Variants in WDPCP observed in about 807,000 individuals in gnomAD.
WDPCP encodes WD repeat containing planar cell polarity effector.
WDPCP carries 71 observed loss-of-function variants against 93.1 expected under a neutral mutation model. The observed-to-expected ratio is 0.76, with a 90% CI of 0.63 to 0.93. WDPCP has a LOEUF of 0.93. Among genes scored for constraint, WDPCP ranks in the 40% least tolerant of loss-of-function variants. The pLI is 0.00. For missense variants in WDPCP, 844 were observed against 887.4 expected (o/e 0.95, Z 0.62); for synonymous variants, 315 against 315.0 (o/e 1.00, Z 0.00).
chr2:63,811,283 T>C (rs980773586), intron 2 of WDPCP, among the ~76,000 whole-genome samples: 7 of 152,176 alleles, frequency 4.6e-5, no homozygotes, highest in Non-Finnish European at 8.8e-5. Context: ...ACTAATAAAA[T>C]ACGGCAAAGG....
intron 2 of WDPCP, among the ~76,000 whole-genome samples, chr2:63,747,792 C>T (rs1474058132): frequency 1.3e-5 from 2 of 151,920 alleles, no homozygotes; most frequent in African/African-American, 4.8e-5. Context: ...ATATGATGGT[C>T]ATGTTTGACT....
intron 1 of WDPCP, among the ~76,000 whole-genome samples, chr2:63,497,618 A>G (rs1000975299): frequency 1.3e-5 from 2 of 152,210 alleles, no homozygotes; most frequent in African/African-American, 4.8e-5. Flanking sequence ...GACCAAATCA[A>G]CATCCTTTTT....
intron 2 of WDPCP, among the ~76,000 whole-genome samples, chr2:63,704,924 G>A (rs1669123358): frequency 6.6e-6 from 1 of 152,100 alleles, no homozygotes; most frequent in South Asian, 2.1e-4. Context: ...AATCCATCTG[G>A]TCCTGGACTT....
At chr2:63,537,065 G>C (rs867766420) in intron 1 of WDPCP, among the ~76,000 whole-genome samples, 13 of 152,214 alleles carry the variant, frequency 8.5e-5, no homozygotes, top group Admixed American at 2.0e-4. Flanking sequence ...GTGGAGCCCA[G>C]CTCACCATTT....
At chr2:63,609,578 A>G (rs943688649) in intron 3 of WDPCP, among the ~76,000 whole-genome samples, 2 of 152,194 alleles carry the variant, frequency 1.3e-5, no homozygotes, top group East Asian at 3.9e-4. Context: ...CATGAAAACT[A>G]ATTTCATGTA....
intron 3 of WDPCP, among the ~76,000 whole-genome samples, chr2:63,648,301 G>A (rs1337745843): frequency 1.3e-5 from 2 of 152,162 alleles, no homozygotes; most frequent in African/African-American, 4.8e-5. Context: ...GGGTGTCCCA[G>A]GGATGTGGGA....
At chr2:63,713,528 T>C (rs1446403548) in intron 2 of WDPCP, among the ~76,000 whole-genome samples, 1 of 152,226 alleles carries the variant, frequency 6.6e-6, no homozygotes, top group Non-Finnish European at 1.5e-5. Flanking sequence ...GTCCAGCCTA[T>C]TTCTACAATA....
chr2:63,557,443 T>C (rs971286159), intron 1 of WDPCP, among the ~76,000 whole-genome samples: 12 of 152,168 alleles, frequency 7.9e-5, no homozygotes, highest in African/African-American at 2.7e-4. Context: ...AAGGGTTGAA[T>C]TCAACAAGAA....
chr2:63,659,148 T>C (rs186154661), intron 2 of WDPCP, among the ~76,000 whole-genome samples: 7 of 152,322 alleles, frequency 4.6e-5, no homozygotes, highest in South Asian at 4.1e-4. Flanking sequence ...AAAAGCTAAA[T>C]TGTGGCCAGA....
chr2:63,328,631 T>C (rs1220396961), intron 12 of WDPCP, among the ~76,000 whole-genome samples: 1 of 152,200 alleles, frequency 6.6e-6, no homozygotes, highest in East Asian at 1.9e-4. Context: ...ATTCTTGAAG[T>C]CAGTGAGACC....
intron 3 of WDPCP, chr2:63,606,092 G>A: frequency 7.0e-7 from 1 of 1,436,470 alleles, no homozygotes; most frequent in Non-Finnish European, 9.8e-7. Flanking sequence ...CTTAAGAATG[G>A]TATTATTGGC....
chr2:63,301,117 C>T (rs533890156), intron 13 of WDPCP, among the ~76,000 whole-genome samples: 1 of 152,344 alleles, frequency 6.6e-6, no homozygotes, highest in African/African-American at 2.4e-5. Context: ...ATCCATGAGG[C>T]ACATTGTTGG....
At chr2:63,266,389 A>AATT (rs1473695558) in intron 13 of WDPCP, among the ~76,000 whole-genome samples, 2 of 152,206 alleles carry the variant, frequency 1.3e-5, no homozygotes, top group Non-Finnish European at 2.9e-5. Flanking sequence ...TTAAGAAAAC[A>AATT]ATTCCATTTA....
chr2:63,558,248 G>A (rs1293752390), intron 1 of WDPCP, among the ~76,000 whole-genome samples: 1 of 151,974 alleles, frequency 6.6e-6, no homozygotes, highest in African/African-American at 2.4e-5. Context: ...GAAGAAAAGA[G>A]GCCAGGCGTG....
chr2:63,525,997 G>A (rs758008746), intron 1 of WDPCP, among the ~76,000 whole-genome samples: 2 of 152,134 alleles, frequency 1.3e-5, no homozygotes, highest in African/African-American at 2.4e-5. Flanking sequence ...CTTACCTTAT[G>A]TATGTACGGC....
chr2:63,222,468 A>G (rs552777358), intron 14 of WDPCP, among the ~76,000 whole-genome samples: 4 of 152,340 alleles, frequency 2.6e-5, no homozygotes, highest in African/African-American at 7.2e-5. Context: ...TTTGTTTATC[A>G]TGTCAAGCAC....
chr2:63,318,079 A>T (rs1380697806), intron 12 of WDPCP, among the ~76,000 whole-genome samples: 2 of 152,272 alleles, frequency 1.3e-5, no homozygotes, highest in Admixed American at 6.5e-5. Flanking sequence ...CAGGCAAAAA[A>T]CTTAAAACCC....
rs184806427 is a variant in WDPCP at position 63,119,939 on chromosome 2, T to C, written c.*2067A>G. Among the ~76,000 whole-genome samples the C allele has an allele frequency of 5.2e-3, 793 of 152,356 alleles. 2 individuals carry two copies. The highest frequency in any genetic ancestry group is 8.8e-3 in the Non-Finnish European group (597 of 68,038). On this transcript the variant is annotated 3_prime_UTR_variant, in exon 18 of 18. Transcript: ENST00000272321. ...CTATCTAAACTTGGTTTTCTGTACATTTAACTTTTCTAGAGGTATGTGAAG... is the reference window on the plus strand; with the variant it reads ...CTATCTAAACTTGGTTTTCTGTACACTTAACTTTTCTAGAGGTATGTGAAG...
intron 1 of WDPCP, among the ~76,000 whole-genome samples, chr2:63,821,410 ATCACT>A (rs1259840138): frequency 1.3e-5 from 2 of 152,364 alleles, no homozygotes; most frequent in African/African-American, 4.8e-5. Flanking sequence ...ATTTACAAGT[ATCACT>A]GCGTGGCTAC....
Sources: gnomAD v4.1 joint callset for allele counts (sites outside exome capture counted in the v4.1 genomes callset) on GRCh38, gnomAD v4.1.1 for gene constraint, MANE v1.5 for transcripts, NCBI Gene and HGNC (gene_info 2026-07-23, HGNC 2026-07-21) for gene names.